The following DMRT1 variants were observed in gnomAD, a reference collection of about 807,000 sequenced individuals.
The protein encoded by DMRT1 is doublesex and mab-3 related transcription factor 1.
In DMRT1, 7 loss-of-function variants were observed where a neutral mutation model predicts 32.3. The ratio of observed to expected loss-of-function variants is 0.22; its 90% CI spans 0.12 to 0.41. DMRT1 has a LOEUF of 0.41. Among genes scored for constraint, DMRT1 ranks in the 10% least tolerant of loss-of-function variants. DMRT1 has a pLI of 1.00. For missense variants in DMRT1, 625 were observed against 500.5 expected, an observed-to-expected ratio of 1.25 and a Z score of -2.37; for synonymous variants, 278 against 206.1, an observed-to-expected ratio of 1.35 and a Z score of -2.99.
At chr9:959,999 A>G (rs1187300788) in intron 4 of DMRT1, among the ~76,000 whole-genome samples, 1 of 152,206 alleles carries the variant, frequency 6.6e-6, no homozygotes, top group Non-Finnish European at 1.5e-5. Flanking sequence ...TGGACAATGG[A>G]TGGTAGACAT....
intron 3 of DMRT1, among the ~76,000 whole-genome samples, chr9:901,986 C>G (rs1471970618): frequency 6.6e-6 from 1 of 150,842 alleles, no homozygotes; most frequent in African/African-American, 2.5e-5. Flanking sequence ...GATCTCAGCC[C>G]ACTGCAACCT....
At chr9:943,966 A>C (rs1036359813) in intron 4 of DMRT1, among the ~76,000 whole-genome samples, 1 of 152,146 alleles carries the variant, frequency 6.6e-6, no homozygotes, top group South Asian at 2.1e-4. Context: ...GTGGGGCAGC[A>C]TTGCATAATG....
chr9:873,920 G>C (rs1444375498), intron 2 of DMRT1, among the ~76,000 whole-genome samples: 1 of 152,100 alleles, frequency 6.6e-6, no homozygotes, highest in Non-Finnish European at 1.5e-5. Flanking sequence ...AATTAGTAGG[G>C]GAAAAGAAAT....
In DMRT1 at chr9:957,310, C is replaced by G. The variant is rs971244614; in HGVS notation, c.968-10675C>G. On this transcript the variant is annotated intron_variant, in intron 4 of 4. Coordinates refer to ENST00000382276, the MANE Select transcript of DMRT1 (RefSeq NM_021951.3). ...GCCTTATATTGCCTACAGACTAAAC[C>G]TCTTTAGGGTTAAAGTCCTTTCTTG... Among the ~76,000 whole-genome samples, 3 of 152,208 alleles carry G rather than the reference C, an allele frequency of 2.0e-5. No homozygotes were observed. The South Asian group carries it at 6.2e-4, about 32-fold the overall frequency.
chr9:883,399 A>G (rs1406242616), intron 2 of DMRT1, among the ~76,000 whole-genome samples: 2 of 152,110 alleles, frequency 1.3e-5, no homozygotes, highest in Non-Finnish European at 1.5e-5. Context: ...GAAGGTTGAG[A>G]TGAATCCTCT....
intron 2 of DMRT1, among the ~76,000 whole-genome samples, chr9:888,378 T>G (rs947424800): frequency 6.6e-6 from 1 of 151,826 alleles, no homozygotes; most frequent in South Asian, 2.1e-4. Flanking sequence ...CGATCTCGGC[T>G]CACTGCACCC....
At chr9:888,648 C>T (rs925133670) in intron 2 of DMRT1, among the ~76,000 whole-genome samples, 1 of 152,004 alleles carries the variant, frequency 6.6e-6, no homozygotes, top group African/African-American at 2.4e-5. Flanking sequence ...CACAGCGATG[C>T]AGTCAGGGGC....
intron 3 of DMRT1, among the ~76,000 whole-genome samples, chr9:903,837 T>C (rs913044258): frequency 1.3e-5 from 2 of 152,196 alleles, no homozygotes; most frequent in African/African-American, 4.8e-5. Flanking sequence ...TCCTAAGGGA[T>C]TGTTTTTTCA....
At chr9:925,204 C>A (rs183358168) in intron 4 of DMRT1, among the ~76,000 whole-genome samples, 1 of 152,058 alleles carries the variant, frequency 6.6e-6, no homozygotes, top group Non-Finnish European at 1.5e-5. Context: ...AGATGGCTCC[C>A]GGGATGGTTT....
intron 4 of DMRT1, among the ~76,000 whole-genome samples, chr9:921,310 G>C (rs1356297594): frequency 1.3e-5 from 2 of 152,192 alleles, no homozygotes; most frequent in East Asian, 1.9e-4. Flanking sequence ...CTGTCGTATA[G>C]ATCAGTATTT....
intron 3 of DMRT1, among the ~76,000 whole-genome samples, chr9:911,488 T>G (rs1433779375): frequency 1.2e-5 from 1 of 82,476 alleles, no homozygotes; most frequent in African/African-American, 6.0e-5. Context: ...TTTTTTTTTT[T>G]TTTTTTTTTT....
chr9:944,871 G>C (rs1037985619), intron 4 of DMRT1, among the ~76,000 whole-genome samples: 2 of 151,806 alleles, frequency 1.3e-5, no homozygotes, highest in Admixed American at 6.6e-5. Context: ...TTAGTTACTT[G>C]CTTTGGAAAG....
intron 4 of DMRT1, among the ~76,000 whole-genome samples, chr9:935,159 A>G (rs954993153): frequency 2.0e-5 from 3 of 152,214 alleles, no homozygotes; most frequent in African/African-American, 7.2e-5. Flanking sequence ...GACTAATGGT[A>G]ATTTTTAAAA....
chr9:893,029 C>T (rs987838375), intron 2 of DMRT1, among the ~76,000 whole-genome samples: 2 of 152,094 alleles, frequency 1.3e-5, no homozygotes, highest in African/African-American at 2.4e-5. Context: ...ATCTCTGTTT[C>T]CTCTGACTTC....
intron 4 of DMRT1, among the ~76,000 whole-genome samples, chr9:940,267 C>T (rs370200538): frequency 5.9e-4 from 90 of 151,858 alleles, no homozygotes; most frequent in African/African-American, 7.7e-4. Flanking sequence ...TACACCAAAC[C>T]TCACAGCAGC....
chr9:845,355 A>C (rs1165725265), intron 1 of DMRT1, among the ~76,000 whole-genome samples: 2 of 151,720 alleles, frequency 1.3e-5, no homozygotes, highest in African/African-American at 4.8e-5. Context: ...TTACAGGCGC[A>C]CACCACCATG....
chr9:947,911 C>T (rs1819300598), intron 4 of DMRT1, among the ~76,000 whole-genome samples: 1 of 152,228 alleles, frequency 6.6e-6, no homozygotes, highest in Admixed American at 6.5e-5. Flanking sequence ...GAATGGATTT[C>T]TCCCAACAGT....
At chr9:933,412 G>T (rs1278680391) in intron 4 of DMRT1, among the ~76,000 whole-genome samples, 1 of 152,174 alleles carries the variant, frequency 6.6e-6, no homozygotes, top group Admixed American at 6.5e-5. Flanking sequence ...ATGTTTCTGC[G>T]ATACCACAGG....
rs888249651 is a variant in DMRT1, at chr9:956,395, G to A, written c.968-11590G>A. 2.0e-5 allele frequency among the ~76,000 whole-genome samples: 3 copies of A among 151,936 alleles called. No individual in the cohort carries two copies. In the South Asian group the frequency reaches 6.2e-4, roughly 32 times the overall value. ...TTCAAATGCATGTATTTCACTGAAC[G>A]CTACACTTGAAAATGGTTAAGGGCC... On this transcript the variant is annotated intron_variant, in intron 4 of 4. Coordinates refer to ENST00000382276, the MANE Select transcript of DMRT1 (RefSeq NM_021951.3).
Sources: allele counts gnomAD v4.1 joint callset (sites outside exome capture counted in the v4.1 genomes callset), GRCh38; gene constraint gnomAD v4.1.1; transcripts MANE v1.5; gene names NCBI Gene and HGNC (gene_info 2026-07-23, HGNC 2026-07-21).